The following PATL2 variants were observed in gnomAD, a reference collection of about 807,000 sequenced individuals.
PATL2 encodes the protein protein PAT1 homolog 2.
PATL2 carries 73 observed loss-of-function variants against 77.0 expected under a neutral mutation model. That is an observed-to-expected ratio of 0.95 (90% confidence interval 0.78 to 1.15). The LOEUF (loss-of-function observed/expected upper bound fraction) is 1.15. PATL2 is among the 50% of genes most tolerant of loss of function. PATL2 has a pLI of 0.00. For synonymous variants in PATL2, 265 were observed against 257.1 expected (o/e 1.03, Z -0.29); for missense variants, 618 against 655.4 (o/e 0.94, Z 0.62).
intron 3 of PATL2, among the ~76,000 whole-genome samples, chr15:44,679,233 A>ATT (rs111612498): frequency 2.2e-5 from 3 of 135,012 alleles, no homozygotes; most frequent in Non-Finnish European, 3.2e-5. Context: ...TGGCCAATTA[A>ATT]TTTTTTTTTT....
At chr15:44,692,623 T>C (rs1226315184) in intron 3 of PATL2, among the ~76,000 whole-genome samples, 1 of 152,216 alleles carries the variant, frequency 6.6e-6, no homozygotes, top group African/African-American at 2.4e-5. Flanking sequence ...CAGTAAAGAA[T>C]CCTTGAACGA....
chr15:44,691,675 AT>A (rs1446256366), intron 3 of PATL2, among the ~76,000 whole-genome samples: 5 of 151,440 alleles, frequency 3.3e-5, no homozygotes, highest in African/African-American at 1.2e-4. Flanking sequence ...AAAAAAAAAA[AT>A]TAAATTAAAT....
intron 13 of PATL2, 40 bp from the exon 14 acceptor site, chr15:44,669,179 A>G: frequency 1.3e-6 from 2 of 1,522,274 alleles, no homozygotes; most frequent in South Asian, 2.5e-5. Flanking sequence ...AGCTCTGCAT[A>G]GAGGAGAGGG....
intron 3 of PATL2, among the ~76,000 whole-genome samples, chr15:44,704,041 T>G (rs960347860): frequency 6.6e-6 from 1 of 151,868 alleles, no homozygotes; most frequent in African/African-American, 2.4e-5. Context: ...CAGGCTGGAG[T>G]GCAGTGGTGC....
chr15:44,698,739 T>C (rs903669988), intron 3 of PATL2, among the ~76,000 whole-genome samples: 13 of 152,382 alleles, frequency 8.5e-5, no homozygotes, highest in South Asian at 2.1e-4. Flanking sequence ...ACTGATTTTC[T>C]TTCTTTTGCG....
chr15:44,695,946 C>T (rs954751406), intron 3 of PATL2, among the ~76,000 whole-genome samples: 1 of 152,196 alleles, frequency 6.6e-6, no homozygotes, highest in African/African-American at 2.4e-5. Context: ...GCAGGTCTAA[C>T]AGTGTCAGGG....
intron 3 of PATL2, among the ~76,000 whole-genome samples, chr15:44,706,505 T>C (rs138111515): frequency 7.0e-4 from 107 of 152,368 alleles, no homozygotes; most frequent in African/African-American, 2.5e-3. Context: ...TAACACTGAT[T>C]ACTCATAGAG....
At chr15:44,708,027 G>C (rs1257993475) in intron 3 of PATL2, among the ~76,000 whole-genome samples, 1 of 152,202 alleles carries the variant, frequency 6.6e-6, no homozygotes, top group Non-Finnish European at 1.5e-5. Flanking sequence ...GAGTTCCAAT[G>C]CAAAGTCTGA....
At chr15:44,688,360 T>C (rs1454562131) in intron 3 of PATL2, among the ~76,000 whole-genome samples, 2 of 151,816 alleles carry the variant, frequency 1.3e-5, no homozygotes, top group South Asian at 2.1e-4. Context: ...AAATTTCATA[T>C]GGAACCAAAA....
intron 3 of PATL2, among the ~76,000 whole-genome samples, chr15:44,687,644 A>T (rs2086290489): frequency 6.6e-6 from 1 of 152,224 alleles, no homozygotes; most frequent in African/African-American, 2.4e-5. Context: ...ACATGATTGT[A>T]TATTTAGAAA....
At chr15:44,710,744 C>G (rs1247749540) in intron 2 of PATL2, among the ~76,000 whole-genome samples, 127 bp downstream of exon 2, 1 of 152,150 alleles carries the variant, frequency 6.6e-6, no homozygotes, top group African/African-American at 2.4e-5. Flanking sequence ...AGGGTGGAAA[C>G]TAAGAGAATG....
intron 3 of PATL2, among the ~76,000 whole-genome samples, chr15:44,677,418 T>C (rs1325004891): frequency 6.6e-6 from 1 of 152,210 alleles, no homozygotes; most frequent in Non-Finnish European, 1.5e-5. Flanking sequence ...CAGATCTTCA[T>C]GGTAAAAACA....
intron 3 of PATL2, among the ~76,000 whole-genome samples, chr15:44,689,391 G>C (rs1256816213): frequency 9.2e-5 from 14 of 152,156 alleles, no homozygotes; most frequent in Admixed American, 9.2e-4. Flanking sequence ...AAATCATGCT[G>C]CTATAAAGAC....
intron 3 of PATL2, among the ~76,000 whole-genome samples, chr15:44,679,042 C>T (rs564812764): frequency 1.3e-5 from 2 of 152,164 alleles, no homozygotes; most frequent in East Asian, 1.9e-4. Flanking sequence ...TATAACTGTA[C>T]TTTGTCTCTC....
intron 3 of PATL2, among the ~76,000 whole-genome samples, chr15:44,678,499 G>T (rs1004147721): frequency 4.6e-5 from 7 of 152,108 alleles, no homozygotes; most frequent in Admixed American, 4.6e-4. Context: ...TCCCCTAGAT[G>T]TTCTAACTTT....
chr15:44,675,548 G>T lies in PATL2; in HGVS notation c.160C>A (p.Leu54Ile). Reference sequence around the variant, plus strand: ...CCAAGATCATTCTCTTCCTCCTCTAGGTCTGGGTCCAGATCTGGGTCCAGA... The same window carrying T: ...CCAAGATCATTCTCTTCCTCCTCTATGTCTGGGTCCAGATCTGGGTCCAGA... ...EDLDPDLDPD[L>I]EEEENDLGDP... Residue 54 changes from leucine (L) to isoleucine (I), a missense_variant, in exon 5 of 18, where the codon CTA becomes ATA. Physicochemically the swap from Leu to Ile is conservative, Grantham distance 5. Coordinates refer to ENST00000682850, the MANE Select transcript of PATL2 (RefSeq NM_001387263.1). The T allele has an allele frequency of 6.4e-7, 1 of 1,551,860 alleles. No homozygotes were observed. The highest frequency in any genetic ancestry group is 8.7e-7 in the Non-Finnish European group (1 of 1,147,050).
chr15:44,704,923 A>C (rs1238212364), intron 3 of PATL2, among the ~76,000 whole-genome samples: 3 of 152,178 alleles, frequency 2.0e-5, no homozygotes, highest in African/African-American at 7.2e-5. Flanking sequence ...GCTGCCAGAC[A>C]TATCAGAGCT....
intron 9 of PATL2, 105 bp from the exon 10 acceptor site, chr15:44,670,192 T>A: frequency 2.8e-6 from 4 of 1,433,788 alleles, no homozygotes; most frequent in Non-Finnish European, 3.7e-6. Context: ...TTAGTTTTTT[T>A]GTGTGTGTTA....
chr15:44,703,314 T>A (rs1435830410), intron 3 of PATL2, among the ~76,000 whole-genome samples: 2 of 152,086 alleles, frequency 1.3e-5, no homozygotes, highest in East Asian at 3.8e-4. Flanking sequence ...TGATCTATAG[T>A]GCAGATTAAG....
Sources: allele counts gnomAD v4.1 joint callset (sites outside exome capture counted in the v4.1 genomes callset), GRCh38; gene constraint gnomAD v4.1.1; transcripts MANE v1.5; gene names NCBI Gene and HGNC (gene_info 2026-07-23, HGNC 2026-07-21).